Variants in TTN observed in about 807,000 individuals in gnomAD.
The protein encoded by TTN is connectin.
TTN carries 1,525 observed loss-of-function variants against 3,223.0 expected under a neutral mutation model. The observed-to-expected ratio is 0.47, with a 90% CI of 0.45 to 0.49. The LOEUF is 0.49. Ranked by LOEUF, TTN falls within the 20% of genes least tolerant of loss-of-function variation. TTN has a pLI of 0.00. For missense variants in TTN, 40,786 were observed against 43,424.0 expected (o/e 0.94, Z 5.40); for synonymous variants, 14,094 against 15,161.0 (o/e 0.93, Z 5.17).
chr2:178,757,590 T>C lies in TTN; in HGVS notation c.10630A>G (p.Ser3544Gly), dbSNP rs1364238345. Reference sequence around the variant, plus strand: ...GCTGCACAAGTGGCTTCCCCAGCACTATTGGCTGCTTTGCAAGAGTACTGC... The same window carrying C: ...GCTGCACAAGTGGCTTCCCCAGCACCATTGGCTGCTTTGCAAGAGTACTGC... ...AGQYSCKAAN[S>G]AGEATCAATL... Residue 3544 changes from serine (S) to glycine (G), a missense_variant, in exon 45 of 363, where the codon AGT (serine) becomes GGT (glycine). Transcript: ENST00000589042. 6.2e-7 allele frequency: 1 copy of C among 1,607,548 alleles called. No homozygotes were observed. The highest frequency in any genetic ancestry group is 8.5e-7 in the Non-Finnish European group (1 of 1,175,350).
chr2:178,644,717 C>A, intron 217 of TTN, 101 bp from the exon 218 acceptor site: 1 of 908,696 alleles, frequency 1.1e-6, no homozygotes, highest in Non-Finnish European at 1.6e-6. Flanking sequence ...TGCTTATAAC[C>A]AGAAAGCATT....
rs1174358867 is a variant in TTN at position 178,578,993 on chromosome 2, A to G, written c.68037T>C (p.Tyr22679=). Residue 22679 remains tyrosine, a synonymous_variant, in exon 320 of 363, where the codon TAT becomes TAC. Transcript: ENST00000589042. ...TCACAGAATCCCTCTTCTCTAGGAT[A>G]TAGTTGGTGATTTCAGAACCTCCAT... The part of the protein sequence containing the change: ...KDDGGSEITN[Y]ILEKRDSVNN... 6.2e-7 allele frequency: 1 copy of G among 1,613,158 alleles called. No homozygotes were observed. The highest frequency in any genetic ancestry group is 8.5e-7 in the Non-Finnish European group (1 of 1,179,470).
At chr2:178,785,284 G>A (rs2093091644) in intron 15 of TTN, among the ~76,000 whole-genome samples, 1 of 152,170 alleles carries the variant, frequency 6.6e-6, no homozygotes. Flanking sequence ...AAACTATGCT[G>A]TGTAACACAC....
In TTN at chr2:178,534,890, A is replaced by T. The variant is rs1015489403; in HGVS notation, c.101725T>A (p.Phe33909Ile). 6.2e-7 allele frequency: 1 copy of T among 1,609,160 alleles called. No homozygotes were observed. The highest frequency in any genetic ancestry group is 1.1e-5 in the South Asian group (1 of 91,090). Residue 33909 changes from phenylalanine to isoleucine, a missense_variant, in exon 358 of 363, where the codon TTT (phenylalanine) becomes ATT (isoleucine). Physicochemically the swap from Phe to Ile is conservative, Grantham distance 21. Transcript: ENST00000589042. ...ACAATTTCTCTTTCATTAAGTTCAA[A>T]AGCACTTGTGTTAATGCGCTCAAAT... Reference protein sequence around the residue: ...DIFERINTSAFELNEREIVSY... With the variant: ...DIFERINTSAIELNEREIVSY...
chr2:178,745,625 G>A, intron 47 of TTN: 10 of 1,612,754 alleles, frequency 6.2e-6, no homozygotes, highest in Non-Finnish European at 8.5e-6. Context: ...AGCCATTCCT[G>A]ATTTGTTTGT....
chr2:178,719,806 C>T lies in TTN; in HGVS notation c.23686G>A (p.Glu7896Lys), dbSNP rs786205400. The T allele has an allele frequency of 9.9e-6, 16 of 1,611,388 alleles. No homozygotes were observed. The highest frequency in any genetic ancestry group is 1.6e-4 in the Middle Eastern group (1 of 6,066). ...LEPARIIEKP[E>K]PMTVTTGNPF... ...TTTCCAGTAGTGACAGTCATGGGTT[C>T]GGGCTTCTCTATGATTCTTGCTGGT... is the stretch of plus-strand genomic sequence containing the variant. The change falls in exon 82 of 363, where the codon GAA (glutamate) becomes AAA (lysine). Residue 7896 changes from glutamate (E) to lysine (K), a missense_variant. Physicochemically the swap from Glu to Lys is moderately conservative, Grantham distance 56. Transcript: ENST00000589042.
Position 178,579,356 on chromosome 2 carries a change from C to A in TTN, c.67674G>T (p.Leu22558Phe). 6.3e-7 allele frequency: 1 copy of A among 1,596,926 alleles called. No individual in the cohort carries two copies. Among genetic ancestry groups the A allele is most frequent in the South Asian group, 1.1e-5 (1 of 89,344 alleles). ...PDLDLKGLPD[L>F]CYLAKENSNF... ...TGCTGTTTTCTTTAGCCAAGTAGCA[C>A]AAATCAGGTAGACCCTTTAAGTCAA... is the stretch of plus-strand genomic sequence containing the variant. Residue 22558 changes from leucine (L) to phenylalanine (F), a missense_variant, in exon 320 of 363, where the codon TTG (leucine) becomes TTT (phenylalanine). By Grantham distance (22) the Leu-to-Phe change is conservative (BLOSUM62 0). Transcript: ENST00000589042.
At chr2:178,803,272 T>C (rs1187438181) in intron 2 of TTN, among the ~76,000 whole-genome samples, 1 of 152,204 alleles carries the variant, frequency 6.6e-6, no homozygotes, top group Non-Finnish European at 1.5e-5. Flanking sequence ...GTAGTGTCTT[T>C]GTAATAATTT....
At chr2:178,749,610 C>T (rs868174581) in intron 47 of TTN, 6 of 1,612,058 alleles carry the variant, frequency 3.7e-6, no homozygotes, top group Non-Finnish European at 5.1e-6. Flanking sequence ...CCATAAATTT[C>T]ACCAATATTT....
At position 178,776,169 on chromosome 2, in the gene TTN, T is replaced by C. The variant is rs878986033; in HGVS notation, c.5695A>G (p.Ile1899Val). ...GTGTCATATGATTTGCAGTCCACGA[T>C]GTCCAGGTAATGGATACCATCATAG... ...VRYDGIHYLD[I>V]VDCKSYDTGE... The change falls in exon 28 of 363, where the codon ATC becomes GTC. Residue 1899 changes from isoleucine (I) to valine (V), a missense_variant. By Grantham distance (29) the Ile-to-Val change is conservative. Transcript: ENST00000589042. 4.3e-6 allele frequency: 7 copies of C among 1,614,054 alleles called. No homozygotes were observed. In the African/African-American group the frequency reaches 8.0e-5, roughly 18 times the overall value.
rs397517798 is a variant in TTN at position 178,530,985 on chromosome 2, T to C, written c.105630A>G (p.Gln35210=). The stretch of plus-strand genomic sequence containing the variant: ...GAATAGTCAGAGTGAACTCTGCTTC[T>C]TGTTTCCCTTCACTGTTTTCTACCA... The part of the protein sequence containing the change: ...SVVVENSEGK[Q]EAEFTLTIQK... The change falls in exon 358 of 363, where the codon CAA becomes CAG. Residue 35210 remains glutamine (Q), a synonymous_variant. Transcript: ENST00000589042. 6.2e-7 allele frequency: 1 copy of C among 1,614,036 alleles called. No homozygotes were observed. Among genetic ancestry groups the C allele is most frequent in the East Asian group, 2.2e-5 (1 of 44,886 alleles).
Position 178,702,240 on chromosome 2 carries a change from A to G in TTN, c.30439T>C (p.Tyr10147His). 6.2e-7 allele frequency: 1 copy of G among 1,613,998 alleles called. No homozygotes were observed. The highest frequency in any genetic ancestry group is 8.5e-7 in the Non-Finnish European group (1 of 1,179,890). ...GGCTCCAGCCGAGCGATGACCGAGT[A>G]GACACCTAGGGTGAAAAATCATCCA... ...HNVTPDDEGV[Y>H]SVIARLEPRG... Residue 10147 changes from tyrosine to histidine, a missense_variant, in exon 108 of 363, where the codon TAC becomes CAC. By Grantham distance (83) the Tyr-to-His change is moderately conservative. Coordinates refer to ENST00000589042, the MANE Select transcript of TTN (RefSeq NM_001267550.2).
chr2:178,796,403 G>A (rs1053843175), intron 6 of TTN, among the ~76,000 whole-genome samples: 3 of 152,126 alleles, frequency 2.0e-5, no homozygotes, highest in Non-Finnish European at 4.4e-5. Context: ...TCAAGGTACA[G>A]TTGATATTTT....
At chr2:178,794,620 C>T in intron 7 of TTN, 69 bp from the exon 8 acceptor site, 1 of 1,604,416 alleles carries the variant, frequency 6.2e-7, no homozygotes, top group Non-Finnish European at 8.5e-7. Flanking sequence ...AAAAAGCATA[C>T]TGGAAAACTG....
chr2:178,586,270 A>C (rs1475005852), intron 308 of TTN, among the ~76,000 whole-genome samples: 2 of 152,086 alleles, frequency 1.3e-5, no homozygotes, highest in Non-Finnish European at 2.9e-5. Flanking sequence ...AAAACATAAG[A>C]ATGCACATGA....
At position 178,764,805 on chromosome 2, in the gene TTN, T is replaced by C; in HGVS notation, c.9710A>G (p.Glu3237Gly). Reference protein sequence around the residue: ...SSVTLYVNAPEPPQVLQELQP... With the variant: ...SSVTLYVNAPGPPQVLQELQP... ...GAGCTCCTGCAGAACTTGGGGCGGT[T>C]CAGGAGCTAGGAGTAAATGTTGACA... is the stretch of plus-strand genomic sequence containing the variant. Residue 3237 changes from glutamate (E) to glycine (G), a missense_variant, in exon 42 of 363, where the codon GAA (glutamate) becomes GGA (glycine). Physicochemically the swap from Glu to Gly is moderately conservative, Grantham distance 98. Coordinates refer to ENST00000589042, the MANE Select transcript of TTN (RefSeq NM_001267550.2). The C allele has an allele frequency of 1.2e-6, 2 of 1,613,064 alleles. No individual in the cohort carries two copies. The highest frequency in any genetic ancestry group is 1.7e-6 in the Non-Finnish European group (2 of 1,179,858).
intron 121 of TTN, 127 bp downstream of exon 121, chr2:178,691,889 C>T (rs1425583415): frequency 3.0e-6 from 2 of 666,742 alleles, no homozygotes; most frequent in South Asian, 7.6e-5. Flanking sequence ...AGCTGACAAA[C>T]AGTAAAAACA....
At chr2:178,695,173 A>AT (rs2073412231) in intron 115 of TTN, among the ~76,000 whole-genome samples, 175 bp downstream of exon 115, 1 of 151,244 alleles carries the variant, frequency 6.6e-6, no homozygotes, top group Non-Finnish European at 1.5e-5. Flanking sequence ...TCATCTTTTG[A>AT]TTTTTTAATG....
intron 15 of TTN, among the ~76,000 whole-genome samples, chr2:178,784,567 C>A (rs893041999): frequency 6.6e-6 from 1 of 152,082 alleles, no homozygotes; most frequent in African/African-American, 2.4e-5. Flanking sequence ...TTTAAAATAT[C>A]TTTTTTAAAG....
Sources: allele counts gnomAD v4.1 joint callset (sites outside exome capture counted in the v4.1 genomes callset), GRCh38; gene constraint gnomAD v4.1.1; transcripts MANE v1.5; gene names NCBI Gene and HGNC (gene_info 2026-07-23, HGNC 2026-07-21).